Variants in PSMD11 observed in about 807,000 individuals in gnomAD.
PSMD11 encodes the protein proteasome 26S subunit, non-ATPase 11.
In PSMD11, 5 loss-of-function variants were observed where a neutral mutation model predicts 62.3. The observed-to-expected ratio is 0.08, with a 90% CI of 0.04 to 0.17. The LOEUF (loss-of-function observed/expected upper bound fraction) is 0.17, where lower values mean the gene tolerates loss of function less well. Among genes scored for constraint, PSMD11 ranks in the 10% least tolerant of loss-of-function variants. PSMD11 has a pLI of 1.00. For synonymous variants in PSMD11, 191 were observed against 191.8 expected, an observed-to-expected ratio of 1.00 and a Z score of 0.03; for missense variants, 310 against 512.9, an observed-to-expected ratio of 0.60 and a Z score of 3.82.
chr17:32,478,613 A>G (rs1908397018), intron 9 of PSMD11, among the ~76,000 whole-genome samples: 1 of 152,214 alleles, frequency 6.6e-6, no homozygotes, highest in Non-Finnish European at 1.5e-5. Flanking sequence ...TAAAACACCT[A>G]ATTTTGCTTA....
At chr17:32,446,833 TG>T in intron 1 of PSMD11, 111 bp from the exon 2 acceptor site, 1 of 576,188 alleles carries the variant, frequency 1.7e-6, no homozygotes, top group East Asian at 3.2e-5. Context: ...CTCTAGAATT[TG>T]TCTTTTGGTA....
At chr17:32,468,272 T>C (rs1908055558) in intron 5 of PSMD11, among the ~76,000 whole-genome samples, 1 of 152,174 alleles carries the variant, frequency 6.6e-6, no homozygotes, top group Non-Finnish European at 1.5e-5. Context: ...AATTTTTTTT[T>C]CTTTGTTCTG....
Position 32,464,114 on chromosome 17 carries a change from T to A in PSMD11, c.384T>A (p.Ala128=). The A allele has an allele frequency of 1.2e-6, 2 of 1,613,666 alleles. No homozygotes were observed. The highest frequency in any genetic ancestry group is 1.7e-6 in the Non-Finnish European group (2 of 1,179,564). ...KSEKRTFLRQ[A]LEARLVSLYF... is the part of the protein sequence containing the mutation. ...AGAAAAGAACTTTCTTACGCCAAGCTTTGGAGGTAGGTTTTACATTAGTAC... is the reference window on the plus strand; with the variant it reads ...AGAAAAGAACTTTCTTACGCCAAGCATTGGAGGTAGGTTTTACATTAGTAC... Residue 128 remains alanine, a synonymous_variant, in exon 4 of 14, where the codon GCT becomes GCA. Coordinates refer to ENST00000261712, the MANE Select transcript of PSMD11 (RefSeq NM_002815.4).
At chr17:32,454,093 A>G (rs952354555) in intron 2 of PSMD11, among the ~76,000 whole-genome samples, 2 of 152,198 alleles carry the variant, frequency 1.3e-5, no homozygotes, top group African/African-American at 2.4e-5. Context: ...AATTACCCCT[A>G]TGACCTGATC....
intron 2 of PSMD11, among the ~76,000 whole-genome samples, chr17:32,448,517 G>A (rs1215367689): frequency 3.3e-5 from 5 of 151,744 alleles, no homozygotes; most frequent in Admixed American, 1.3e-4. Flanking sequence ...GCCAGCATGC[G>A]CCACTATGCC....
At chr17:32,447,120 G>T in intron 2 of PSMD11, 74 bp downstream of exon 2, 1 of 1,175,104 alleles carries the variant, frequency 8.5e-7, no homozygotes, top group Non-Finnish European at 1.2e-6. Flanking sequence ...AAGAATCATG[G>T]GACTGATCCA....
At chr17:32,463,927 A>T (rs1907916908) in intron 3 of PSMD11, 122 bp from the exon 4 acceptor site, 1 of 888,466 alleles carries the variant, frequency 1.1e-6, no homozygotes, top group African/African-American at 1.6e-5. Flanking sequence ...ACTGTGGATC[A>T]GACACTAAAT....
intron 3 of PSMD11, among the ~76,000 whole-genome samples, chr17:32,461,709 G>A (rs1451926727): frequency 6.6e-6 from 1 of 152,136 alleles, no homozygotes; most frequent in Non-Finnish European, 1.5e-5. Flanking sequence ...AAGATAGGTA[G>A]AGTGCTGGAG....
chr17:32,477,614 T>C, intron 9 of PSMD11, 31 bp downstream of exon 9: 1 of 1,559,908 alleles, frequency 6.4e-7, no homozygotes, highest in Non-Finnish European at 8.8e-7. Context: ...GTATGGAATG[T>C]GAGTGGAAGA....
intron 4 of PSMD11, 42 bp from the exon 5 acceptor site, chr17:32,464,479 C>T: frequency 1.3e-6 from 2 of 1,483,958 alleles, no homozygotes; most frequent in Non-Finnish European, 1.8e-6. Flanking sequence ...CTTTCTGTGG[C>T]TTTTTCCCCC....
intron 3 of PSMD11, among the ~76,000 whole-genome samples, chr17:32,455,175 T>C (rs1907614750): frequency 6.6e-6 from 1 of 152,214 alleles, no homozygotes; most frequent in Non-Finnish European, 1.5e-5. Context: ...AACTGTATTT[T>C]CTGCAATTCA....
intron 8 of PSMD11, among the ~76,000 whole-genome samples, chr17:32,475,558 C>T (rs1202059892): frequency 6.6e-6 from 1 of 151,576 alleles, no homozygotes; most frequent in Non-Finnish European, 1.5e-5. Context: ...GGAGGAGTGG[C>T]CACATAGATG....
chr17:32,476,131 G>A (rs1278140811), intron 8 of PSMD11, among the ~76,000 whole-genome samples: 1 of 152,068 alleles, frequency 6.6e-6, no homozygotes, highest in Non-Finnish European at 1.5e-5. Context: ...GGGCATGGTA[G>A]TGCATTGGTG....
intron 2 of PSMD11, among the ~76,000 whole-genome samples, chr17:32,450,558 C>T (rs372911062): frequency 5.3e-5 from 8 of 151,542 alleles, no homozygotes; most frequent in African/African-American, 7.3e-5. Context: ...TGAGCCACCG[C>T]GCCCAGCCAA....
intron 3 of PSMD11, 53 bp downstream of exon 3, chr17:32,454,672 A>G: frequency 6.3e-7 from 1 of 1,590,328 alleles, no homozygotes; most frequent in Admixed American, 1.7e-5. Context: ...GTTTGTTTCC[A>G]AGAAAGAAAT....
intron 2 of PSMD11, among the ~76,000 whole-genome samples, chr17:32,451,779 C>T (rs1907507255): frequency 6.6e-6 from 1 of 152,112 alleles, no homozygotes; most frequent in Non-Finnish European, 1.5e-5. Context: ...CACTTTGTCA[C>T]CCAAGCTGGA....
In PSMD11 at chr17:32,451,431, C is replaced by A. The variant is rs537450453; in HGVS notation, c.194-3064C>A. ...AGGCTCTAACAGTTTCTTTTATTAT[C>A]AAAAAAATAGTTTTAGCAGATATAA... On this transcript the variant is annotated intron_variant, in intron 2 of 13. Transcript: ENST00000261712. Among the ~76,000 whole-genome samples, 34 of 151,968 alleles carry A rather than the reference C, an allele frequency of 2.2e-4. No individual in the cohort carries two copies. In the South Asian group the frequency reaches 5.6e-3, roughly 25 times the overall value.
chr17:32,479,211 G>C, intron 9 of PSMD11, 40 bp from the exon 10 acceptor site: 1 of 1,608,064 alleles, frequency 6.2e-7, no homozygotes, highest in Non-Finnish European at 8.5e-7. Flanking sequence ...ACTTTAAAGT[G>C]ATTCTCTGTG....
intron 9 of PSMD11, among the ~76,000 whole-genome samples, chr17:32,479,034 C>T (rs1356462889): frequency 1.3e-5 from 2 of 152,148 alleles, no homozygotes; most frequent in African/African-American, 2.4e-5. Context: ...ATGAGCCTCC[C>T]GAGTGACTGG....
Sources: allele counts gnomAD v4.1 joint callset (sites outside exome capture counted in the v4.1 genomes callset), GRCh38; gene constraint gnomAD v4.1.1; transcripts MANE v1.5; gene names NCBI Gene and HGNC (gene_info 2026-07-23, HGNC 2026-07-21).